The following ANKRD11 variants were observed in gnomAD, a reference collection of about 807,000 sequenced individuals.
ANKRD11 encodes ankyrin repeat domain-containing protein 11.
A neutral mutation model predicts 195.7 loss-of-function variants in ANKRD11; 17 were observed. The observed-to-expected ratio is 0.09, with a 90% CI of 0.06 to 0.13. The LOEUF is 0.13. Ranked by LOEUF, ANKRD11 falls within the 10% of genes least tolerant of loss-of-function variation. ANKRD11 has a pLI of 1.00. For synonymous variants in ANKRD11, 1,953 were observed against 1,528.1 expected, an observed-to-expected ratio of 1.28 and a Z score of -6.49; for missense variants, 3,735 against 3,566.1, an observed-to-expected ratio of 1.05 and a Z score of -1.21.
At chr16:89,455,338 T>C (rs1028797811) in intron 1 of ANKRD11, among the ~76,000 whole-genome samples, 5 of 152,120 alleles carry the variant, frequency 3.3e-5, no homozygotes, top group African/African-American at 7.2e-5. Context: ...GCTGCTCCCA[T>C]GGGTGCTGTT....
chr16:89,427,816 G>A (rs1424380135), intron 1 of ANKRD11, among the ~76,000 whole-genome samples: 4 of 151,508 alleles, frequency 2.6e-5, no homozygotes, highest in African/African-American at 4.8e-5. Context: ...TCTAGTAATC[G>A]TATGATGCCA....
chr16:89,438,398 C>T (rs1351974367), intron 1 of ANKRD11, among the ~76,000 whole-genome samples: 1 of 151,928 alleles, frequency 6.6e-6, no homozygotes, highest in Non-Finnish European at 1.5e-5. Flanking sequence ...CAGCTCACTG[C>T]AGCCTCCGCC....
At chr16:89,426,988 A>G (rs2042743242) in intron 1 of ANKRD11, among the ~76,000 whole-genome samples, 1 of 152,252 alleles carries the variant, frequency 6.6e-6, no homozygotes, top group African/African-American at 2.4e-5. Context: ...TAGGAACCTC[A>G]GAATGAGATA....
chr16:89,427,792 C>CAA (rs200243203), intron 1 of ANKRD11, among the ~76,000 whole-genome samples: 1 of 130,964 alleles, frequency 7.6e-6, no homozygotes, highest in Non-Finnish European at 1.7e-5. Flanking sequence ...GAGTATGCCT[C>CAA]AAAAAAAAAA....
chr16:89,335,937 G>A (rs2038329305), intron 2 of ANKRD11, among the ~76,000 whole-genome samples: 1 of 152,192 alleles, frequency 6.6e-6, no homozygotes, highest in South Asian at 2.1e-4. Flanking sequence ...TGAGGCATCC[G>A]CCGCAAACAT....
intron 9 of ANKRD11, chr16:89,278,564 G>A (rs1263259713): frequency 6.6e-6 from 3 of 457,238 alleles, no homozygotes; most frequent in Middle Eastern, 3.4e-4. Flanking sequence ...GGGGGCCGAG[G>A]ACCAAGCTGC....
chr16:89,431,931 G>A (rs539520485), intron 1 of ANKRD11, among the ~76,000 whole-genome samples: 1 of 152,050 alleles, frequency 6.6e-6, no homozygotes, highest in South Asian at 2.1e-4. Flanking sequence ...GAAACCAGCT[G>A]CCTCCTCCTC....
intron 2 of ANKRD11, among the ~76,000 whole-genome samples, chr16:89,402,446 G>A (rs1346772598): frequency 1.3e-5 from 2 of 152,098 alleles, no homozygotes; most frequent in East Asian, 1.9e-4. Flanking sequence ...TGAGGAAGCC[G>A]AGGCGGGAAG....
At chr16:89,395,116 G>A (rs1261930235) in intron 2 of ANKRD11, among the ~76,000 whole-genome samples, 2 of 152,236 alleles carry the variant, frequency 1.3e-5, no homozygotes, top group Admixed American at 6.5e-5. Context: ...AGGACAAGAT[G>A]AAAGAGGGCC....
intron 2 of ANKRD11, among the ~76,000 whole-genome samples, chr16:89,401,652 A>C (rs2041691809): frequency 6.6e-6 from 1 of 152,056 alleles, no homozygotes; most frequent in South Asian, 2.1e-4. Context: ...TAGCCCCCCA[A>C]CACCACAGAC....
intron 2 of ANKRD11, among the ~76,000 whole-genome samples, chr16:89,336,869 T>A (rs548432079): frequency 2.6e-5 from 4 of 152,092 alleles, no homozygotes; most frequent in Non-Finnish European, 4.4e-5. Context: ...CTCACGCCTG[T>A]AATCCCAGCA....
At chr16:89,392,160 A>C (rs2041227908) in intron 2 of ANKRD11, among the ~76,000 whole-genome samples, 1 of 152,246 alleles carries the variant, frequency 6.6e-6, no homozygotes, top group African/African-American at 2.4e-5. Context: ...AACCGGACAC[A>C]GCGTCAGGTT....
intron 1 of ANKRD11, among the ~76,000 whole-genome samples, chr16:89,441,072 C>T (rs976168555): frequency 3.3e-5 from 5 of 151,856 alleles, no homozygotes; most frequent in African/African-American, 9.7e-5. Context: ...CCTGTCTCTA[C>T]TAAAAATACA....
intron 4 of ANKRD11, among the ~76,000 whole-genome samples, chr16:89,303,115 A>T (rs2151860357): frequency 6.6e-6 from 1 of 152,320 alleles, no homozygotes; most frequent in South Asian, 2.1e-4. Flanking sequence ...AGCCCTGGGA[A>T]CGCCACCTTA....
chr16:89,408,170 G>T (rs1407617218), intron 2 of ANKRD11, among the ~76,000 whole-genome samples: 1 of 152,110 alleles, frequency 6.6e-6, no homozygotes, highest in Non-Finnish European at 1.5e-5. Context: ...TGCACTATGT[G>T]GCAAGCACTG....
chr16:89,490,045 C>G (rs1180867153), intron 1 of ANKRD11, among the ~76,000 whole-genome samples, 200 bp downstream of exon 1: 5 of 147,514 alleles, frequency 3.4e-5, no homozygotes, highest in Non-Finnish European at 6.0e-5. Context: ...GACCCGTAGG[C>G]CCGCTCCGGG....
Position 89,281,568 on chromosome 16 carries a change from A to C in ANKRD11, c.4974T>G (p.Thr1658=), listed in dbSNP as rs755829951. The C allele has an allele frequency of 1.2e-6, 2 of 1,614,114 alleles. No homozygotes were observed. Among genetic ancestry groups the C allele is most frequent in the Admixed American group, 3.3e-5 (2 of 60,020 alleles). ...TATTTTCCGCGGCAGGTGGAATAGGAGTCGACTCTTTGAGCTTTTTGTCTT... is the reference window on the plus strand; with the variant it reads ...TATTTTCCGCGGCAGGTGGAATAGGCGTCGACTCTTTGAGCTTTTTGTCTT... ...PFKDKKLKES[T]PIPPAAENKL... The change falls in exon 9 of 13, where the codon ACT becomes ACG. Residue 1658 remains threonine (T), a synonymous_variant. Coordinates refer to ENST00000301030, the MANE Select transcript of ANKRD11 (RefSeq NM_013275.6). This position sits in a 1 kb window ranked among gnomAD's most constrained non-coding sequence, Gnocchi z 5.5.
chr16:89,415,738 G>C (rs910611796), intron 2 of ANKRD11, among the ~76,000 whole-genome samples: 2 of 146,334 alleles, frequency 1.4e-5, no homozygotes, highest in African/African-American at 2.5e-5. Context: ...TGAGGCAGGA[G>C]AAACTCTTGA....
chr16:89,305,473 G>A, intron 3 of ANKRD11, 129 bp from the exon 4 acceptor site: 9 of 1,345,268 alleles, frequency 6.7e-6, no homozygotes, highest in Non-Finnish European at 9.3e-6. Context: ...TGCACCCCAG[G>A]GCGTGGCTGT....
Sources: allele counts gnomAD v4.1 joint callset (sites outside exome capture counted in the v4.1 genomes callset), GRCh38; gene constraint gnomAD v4.1.1; non-coding constraint Gnocchi (gnomAD v3.1); transcripts MANE v1.5; gene names NCBI Gene and HGNC (gene_info 2026-07-23, HGNC 2026-07-21).